EYA4: variants seen among roughly 807,000 people sequenced by gnomAD.
The protein encoded by EYA4 is EYA transcriptional coactivator and phosphatase 4.
EYA4 carries 31 observed loss-of-function variants against 87.9 expected under a neutral mutation model. That is an observed-to-expected ratio of 0.35 (90% CI 0.27 to 0.48). EYA4 has a LOEUF of 0.48. Ranked by LOEUF, EYA4 falls within the 20% of genes least tolerant of loss-of-function variation. The pLI, the probability that EYA4 is intolerant of heterozygous loss-of-function variation, is 0.99. For missense variants in EYA4, 678 were observed against 761.4 expected (o/e 0.89, Z 1.29); for synonymous variants, 263 against 270.6 (o/e 0.97, Z 0.28).
intron 3 of EYA4, among the ~76,000 whole-genome samples, chr6:133,414,126 C>A (rs1789496503): frequency 1.3e-5 from 2 of 152,150 alleles, no homozygotes; most frequent in African/African-American, 4.8e-5. Context: ...CTCTTCTAAT[C>A]TATGCATCCA....
chr6:133,277,258 C>T (rs759630578), intron 2 of EYA4, among the ~76,000 whole-genome samples: 1 of 152,116 alleles, frequency 6.6e-6, no homozygotes, highest in Non-Finnish European at 1.5e-5. Context: ...ATTTTTAAGG[C>T]CACTATTTTA....
At chr6:133,336,377 T>C (rs1186564516) in intron 2 of EYA4, among the ~76,000 whole-genome samples, 2 of 152,146 alleles carry the variant, frequency 1.3e-5, no homozygotes, top group South Asian at 2.1e-4. Context: ...TGATAGAATA[T>C]GGAGTACCTA....
At chr6:133,416,180 A>G (rs1020335911) in intron 3 of EYA4, among the ~76,000 whole-genome samples, 12 of 152,226 alleles carry the variant, frequency 7.9e-5, no homozygotes, top group African/African-American at 2.9e-4. Flanking sequence ...GGGAATACTC[A>G]GGCTACAGTA....
intron 1 of EYA4, among the ~76,000 whole-genome samples, chr6:133,256,336 T>C (rs1775335047): frequency 6.6e-6 from 1 of 151,894 alleles, no homozygotes; most frequent in Non-Finnish European, 1.5e-5. Context: ...TTATATTCAC[T>C]ACATTTTTTT....
intron 3 of EYA4, among the ~76,000 whole-genome samples, chr6:133,416,237 T>G (rs1409904228): frequency 6.6e-6 from 1 of 152,128 alleles, no homozygotes; most frequent in Non-Finnish European, 1.5e-5. Context: ...GGAAAGATAA[T>G]GGAAGGTTGT....
At chr6:133,257,464 T>C (rs1775427967) in intron 1 of EYA4, among the ~76,000 whole-genome samples, 1 of 152,206 alleles carries the variant, frequency 6.6e-6, no homozygotes, top group Non-Finnish European at 1.5e-5. Flanking sequence ...GTAATAAATA[T>C]GACTGATATT....
intron 1 of EYA4, among the ~76,000 whole-genome samples, chr6:133,246,262 G>A (rs1207215356): frequency 1.3e-5 from 2 of 152,090 alleles, no homozygotes; most frequent in Non-Finnish European, 2.9e-5. Flanking sequence ...TCAGTGCATG[G>A]ATGATGAAGA....
At chr6:133,369,388 T>C (rs1267866117) in intron 2 of EYA4, among the ~76,000 whole-genome samples, 1 of 152,130 alleles carries the variant, frequency 6.6e-6, no homozygotes, top group Non-Finnish European at 1.5e-5. Flanking sequence ...TAAAAGACTT[T>C]ATTTTATAAA....
chr6:133,341,810 A>C (rs1055853231), intron 2 of EYA4, among the ~76,000 whole-genome samples: 3 of 151,672 alleles, frequency 2.0e-5, no homozygotes, highest in Non-Finnish European at 2.9e-5. Context: ...GGAAAAAAAA[A>C]CTTACCATTC....
chr6:133,416,929 G>C (rs964287101), intron 3 of EYA4, among the ~76,000 whole-genome samples: 2 of 152,228 alleles, frequency 1.3e-5, no homozygotes, highest in African/African-American at 4.8e-5. Flanking sequence ...TTACGCCACT[G>C]TGGGTGCAGG....
chr6:133,436,059 A>C (rs1791642649), intron 3 of EYA4, among the ~76,000 whole-genome samples: 1 of 152,062 alleles, frequency 6.6e-6, no homozygotes, highest in African/African-American at 2.4e-5. Flanking sequence ...TCTCCACTAA[A>C]AATACAAAAA....
intron 1 of EYA4, among the ~76,000 whole-genome samples, chr6:133,252,119 G>A (rs3777785): frequency 0.2 from 30,749 of 152,082 alleles, 3,246 homozygotes; most frequent in African/African-American, 0.24. Flanking sequence ...CTTTTCTTCC[G>A]GTTATTTGTC....
intron 2 of EYA4, among the ~76,000 whole-genome samples, chr6:133,367,995 G>A (rs1784983690): frequency 6.6e-6 from 1 of 152,066 alleles, no homozygotes. Context: ...TTAATTGGTG[G>A]CAGTATGCTG....
chr6:133,315,060 G>A (rs1168636764), intron 2 of EYA4, among the ~76,000 whole-genome samples: 1 of 152,162 alleles, frequency 6.6e-6, no homozygotes, highest in African/African-American at 2.4e-5. Context: ...ACATGTCTAA[G>A]CTGAGGGGAA....
In EYA4 at chr6:133,274,163, T is replaced by C. The variant is rs541396718; in HGVS notation, c.-65-553T>C. ...ACCATAGTGTATTACTAATTATCTT[T>C]CCCATGTTTATTTGTAATACATTCT... On this transcript the variant is annotated intron_variant, in intron 1 of 19. Coordinates refer to ENST00000355286, the MANE Select transcript of EYA4 (RefSeq NM_004100.5). Among the ~76,000 whole-genome samples, 38 of 152,326 alleles carry C rather than the reference T, an allele frequency of 2.5e-4. 2 individuals are homozygous for C. Among genetic ancestry groups the C allele is most frequent in the African/African-American group, 7.9e-4 (33 of 41,588 alleles).
intron 17 of EYA4, 94 bp downstream of exon 17, chr6:133,515,529 T>C: frequency 3.5e-6 from 3 of 855,176 alleles, no homozygotes. Flanking sequence ...CTAGACTGTT[T>C]TAGACTTTAA....
At position 133,382,716 on chromosome 6, in the gene EYA4, T is replaced by A. The variant is rs115574222; in HGVS notation, c.83+275T>A. Among the ~76,000 whole-genome samples, 574 of 152,272 alleles carry A rather than the reference T, an allele frequency of 3.8e-3. 3 individuals carry two copies. Among genetic ancestry groups the A allele is most frequent in the African/African-American group, 0.013 (537 of 41,552 alleles). On this transcript the variant is annotated intron_variant, in intron 3 of 19. Transcript: ENST00000355286. ...CTTGGCATTAAGTTAATGTTCATTT[T>A]TTTGTTCTAATTTCTTTTTATAATG...
Position 133,400,125 on chromosome 6 carries a change from G to A in EYA4, c.83+17684G>A, listed in dbSNP as rs571731974. Reference sequence around the variant, plus strand: ...TTGCACTTATATATTTTCTATTCAAGAGTTTCATGATAAAATGAAATACAC... The same window carrying A: ...TTGCACTTATATATTTTCTATTCAAAAGTTTCATGATAAAATGAAATACAC... On this transcript the variant is annotated intron_variant, in intron 3 of 19. Transcript: ENST00000355286. Among the ~76,000 whole-genome samples, 3 of 152,150 alleles carry A rather than the reference G, an allele frequency of 2.0e-5. No homozygotes were observed. The East Asian group carries it at 5.8e-4, about 29-fold the overall frequency.
intron 11 of EYA4, among the ~76,000 whole-genome samples, chr6:133,477,835 C>CAT (rs540198192): frequency 0.012 from 1,801 of 146,296 alleles, 29 homozygotes; most frequent in African/African-American, 0.04. Flanking sequence ...CACACACACG[C>CAT]ATATATATAT....
Sources: allele counts gnomAD v4.1 joint callset (sites outside exome capture counted in the v4.1 genomes callset), GRCh38; gene constraint gnomAD v4.1.1; transcripts MANE v1.5; gene names NCBI Gene and HGNC (gene_info 2026-07-23, HGNC 2026-07-21).